The following TAGLN variants were observed in gnomAD, a reference collection of about 807,000 sequenced individuals.
TAGLN encodes the protein transgelin, also known as 22 kDa actin-binding protein.
A neutral mutation model predicts 21.9 loss-of-function variants in TAGLN; 16 were observed. The ratio of observed to expected loss-of-function variants is 0.73; its 90% CI spans 0.49 to 1.11. The LOEUF is 1.11. Ranked by LOEUF, TAGLN falls within the 50% of genes least tolerant of loss-of-function variation. The probability of loss-of-function intolerance (pLI) is 0.00; values close to 1 mark genes in which losing one functional copy is unlikely to be tolerated. For missense variants in TAGLN, 248 were observed against 263.2 expected (o/e 0.94, Z 0.40); for synonymous variants, 96 against 94.9 (o/e 1.01, Z -0.06).
intron 1 of TAGLN, chr11:117,200,242 C>T (rs114342046): frequency 7.0e-4 from 106 of 152,350 alleles, no homozygotes; most frequent in African/African-American, 2.3e-3. Context: ...CTCCTGCCCT[C>T]TCAGAGGTCC....
chr11:117,199,805 C>G (rs946955348), intron 1 of TAGLN: 3 of 139,512 alleles, frequency 2.2e-5, no homozygotes, highest in African/African-American at 7.6e-5. Context: ...CTGTCTGTTG[C>G]CCCTCCAGGA....
chr11:117,201,856 G>C (rs1180143512), intron 1 of TAGLN: 1 of 152,344 alleles, frequency 6.6e-6, no homozygotes, highest in Non-Finnish European at 1.5e-5. Context: ...GGATGGGTTC[G>C]GCTTCCTTTG....
In TAGLN at chr11:117,203,180, T is replaced by C. The variant is rs1368685453; in HGVS notation, c.167T>C (p.Leu56Pro). 3.8e-6 allele frequency: 6 copies of C among 1,589,554 alleles called. No individual in the cohort carries two copies. Among genetic ancestry groups the C allele is most frequent in the Non-Finnish European group, 4.3e-6 (5 of 1,165,078 alleles). ...DRGRLGFQVW[L>P]KNGVILSKLV... is the part of the protein sequence containing the mutation. ...GGGCGCTTGGGCTTCCAGGTCTGGC[T>C]GAAGAATGGCGTGGTGAGTGGCACC... The change falls in exon 2 of 5, where the codon CTG becomes CCG. Residue 56 changes from leucine to proline, a missense_variant. Physicochemically the swap from Leu to Pro is moderately conservative, Grantham distance 98. Coordinates refer to ENST00000392951, the MANE Select transcript of TAGLN (RefSeq NM_003186.5). This position sits in a 1 kb window ranked among gnomAD's most constrained non-coding sequence, Gnocchi z 4.4.
chr11:117,204,374 GC>G lies in TAGLN; in HGVS notation c.*18del. On this transcript the variant is annotated 3_prime_UTR_variant, in exon 5 of 5. Transcript: ENST00000392951. Reference sequence around the variant, plus strand: ...TCATCAGTTAGAGCGGAGAGGGCTAGCCCTGAGCCCGGCCCTCCCCCAGCTC... The same window carrying G: ...TCATCAGTTAGAGCGGAGAGGGCTAGCCTGAGCCCGGCCCTCCCCCAGCTC... 1.2e-6 allele frequency: 2 copies of G among 1,614,212 alleles called. No homozygotes were observed.
In TAGLN at chr11:117,204,398, CT is replaced by C. The variant is rs750201038; in HGVS notation, c.*40del. 1 of 1,613,974 alleles carries C rather than the reference CT, an allele frequency of 6.2e-7. No homozygotes were observed. The highest frequency in any genetic ancestry group is 8.5e-7 in the Non-Finnish European group (1 of 1,179,878). ...AGCCCTGAGCCCGGCCCTCCCCCAG[CT>C]CCTTGGCTGCAGCCATCCCGCTTAG... On this transcript the variant is annotated 3_prime_UTR_variant, in exon 5 of 5. Coordinates refer to ENST00000392951, the MANE Select transcript of TAGLN (RefSeq NM_003186.5).
In TAGLN at chr11:117,205,418, G is replaced by A. The variant is rs576945884; in HGVS notation, c.*1059G>A. 3.9e-5 allele frequency: 9 copies of A among 233,506 alleles called. No individual in the cohort carries two copies. The highest frequency in any genetic ancestry group is 3.4e-4 in the Admixed American group (6 of 17,784). The allele number at this position is 233,506 out of a possible 1,614,324, so 14.5% of individuals were successfully genotyped here. The stretch of plus-strand genomic sequence containing the variant: ...GAAGCAGCTCAGGCCTGGGGGAGCC[G>A]TGTGTATCCCAGCTGTGCCGGCAGC... On this transcript the variant is annotated 3_prime_UTR_variant, in exon 5 of 5. Coordinates refer to ENST00000392951, the MANE Select transcript of TAGLN (RefSeq NM_003186.5).
In TAGLN at chr11:117,203,982, A is replaced by G. The variant is rs1478859471; in HGVS notation, c.461+98A>G. The G allele has an allele frequency of 2.5e-6, 3 of 1,208,582 alleles. No individual in the cohort carries two copies. Among genetic ancestry groups the G allele is most frequent in the Non-Finnish European group, 3.6e-6 (3 of 830,082 alleles). 74.9% of individuals were successfully genotyped at this position (1,208,582 alleles called of 1,614,324 possible). The stretch of plus-strand genomic sequence containing the variant: ...GGATTAGGGGAAGCAGATAGCCAAG[A>G]AAGGATAAAGTGAGGGTCTGGGATG... On this transcript the variant is annotated intron_variant, in intron 4 of 4. Coordinates refer to ENST00000392951, the MANE Select transcript of TAGLN (RefSeq NM_003186.5). This position sits in a 1 kb window ranked among gnomAD's most constrained non-coding sequence, Gnocchi z 4.4.
rs1489299172 is a variant in TAGLN, at chr11:117,205,881, T to C, written c.*1522T>C. 10 of 603,954 alleles carry C rather than the reference T, an allele frequency of 1.7e-5. No individual in the cohort carries two copies. The highest frequency in any genetic ancestry group is 2.8e-6 in the Non-Finnish European group (1 of 356,646). The allele number at this position is 603,954 out of a possible 1,614,324, so 37.4% of individuals were successfully genotyped here. ...TATCTTAAGAAGGCCCTCACCCTCT[T>C]TGAGTGGAGTCAGAGGATGCCTCAG... On this transcript the variant is annotated 3_prime_UTR_variant, in exon 5 of 5. Transcript: ENST00000392951.
chr11:117,204,269 G>C lies in TAGLN; in HGVS notation c.516G>C (p.Lys172Asn). 1 of 1,614,250 alleles carries C rather than the reference G, an allele frequency of 6.2e-7. No individual in the cohort carries two copies. The highest frequency in any genetic ancestry group is 8.5e-7 in the Non-Finnish European group (1 of 1,180,040). Residue 172 changes from lysine to asparagine, a missense_variant, in exon 5 of 5, where the codon AAG becomes AAC. Coordinates refer to ENST00000392951, the MANE Select transcript of TAGLN (RefSeq NM_003186.5). ...CAGAGAGCCAGCTGCAGGAGGGAAA[G>C]CATGTCATTGGCCTTCAGATGGGCA... ...EFTESQLQEG[K>N]HVIGLQMGSN...
In TAGLN at chr11:117,206,955, C is replaced by T. The variant is rs1145215; in HGVS notation, c.*2596C>T. ...GTTCCCAGCCCGGGGCTCCATCTAC[C>T]GGCTTGACGCTGGAACTGGGAAGCA... On this transcript the variant is annotated 3_prime_UTR_variant, in exon 5 of 5. Transcript: ENST00000392951. 1,829 of 1,356,654 alleles carry T rather than the reference C, an allele frequency of 1.3e-3. No homozygotes were observed. The African/African-American group carries it at 0.023, about 17-fold the overall frequency. 84.0% of individuals were successfully genotyped at this position (1,356,654 alleles called of 1,614,324 possible).
At position 117,203,062 on chromosome 11, in the gene TAGLN, A is replaced by C; in HGVS notation, c.49A>C (p.Lys17Gln). The change falls in exon 2 of 5, where the codon AAA becomes CAA. Residue 17 changes from lysine (K) to glutamine (Q), a missense_variant. Lys to Gln is a moderately conservative substitution (Grantham distance 53). Transcript: ENST00000392951. The surrounding 1 kb of genome is among the most constrained non-coding windows in gnomAD (Gnocchi z 4.4). ...TGGCATGAGCCGCGAAGTGCAGTCC[A>C]AAATCGAGAAGAAGTATGACGAGGA... Reference protein sequence around the residue: ...SYGMSREVQSKIEKKYDEELE... With the variant: ...SYGMSREVQSQIEKKYDEELE... The C allele has an allele frequency of 1.2e-6, 2 of 1,608,720 alleles. No homozygotes were observed. Among genetic ancestry groups the C allele is most frequent in the Non-Finnish European group, 1.7e-6 (2 of 1,177,432 alleles).
chr11:117,200,179 C>A (rs664922), intron 1 of TAGLN: 94,518 of 151,014 alleles, frequency 0.63, 31,417 homozygotes, highest in Non-Finnish European at 0.76. Flanking sequence ...GGATGGCACA[C>A]ATTTATGTAG....
At chr11:117,202,588 G>A (rs2031143865) in intron 1 of TAGLN, 1 of 153,298 alleles carries the variant, frequency 6.5e-6, no homozygotes. Flanking sequence ...ACCAAGGGTT[G>A]TCAAACTACA....
chr11:117,203,984 A>G lies in TAGLN; in HGVS notation c.461+100A>G. 8.3e-7 allele frequency: 1 copy of G among 1,201,684 alleles called. No individual in the cohort carries two copies. The highest frequency in any genetic ancestry group is 1.2e-6 in the Non-Finnish European group (1 of 824,238). The allele number at this position is 1,201,684 out of a possible 1,614,324, so 74.4% of individuals were successfully genotyped here. ...ATTAGGGGAAGCAGATAGCCAAGAA[A>G]GGATAAAGTGAGGGTCTGGGATGGG... On this transcript the variant is annotated intron_variant, in intron 4 of 4. Coordinates refer to ENST00000392951, the MANE Select transcript of TAGLN (RefSeq NM_003186.5). The surrounding 1 kb of genome is among the most constrained non-coding windows in gnomAD (Gnocchi z 4.4).
In TAGLN at chr11:117,203,279, G is replaced by A; in HGVS notation, c.181-28G>A. 6.2e-7 allele frequency: 1 copy of A among 1,612,528 alleles called. No homozygotes were observed. The stretch of plus-strand genomic sequence containing the variant: ...GGCCAATCCCTGAGCTGACTGCTAA[G>A]CTGCGTCCTATGCCCTATGCCTGGT... On this transcript the variant is annotated intron_variant, in intron 2 of 4. Transcript: ENST00000392951. The surrounding 1 kb of genome is among the most constrained non-coding windows in gnomAD (Gnocchi z 4.4).
At chr11:117,202,633 T>A (rs2134270724) in intron 1 of TAGLN, 1 of 156,306 alleles carries the variant, frequency 6.4e-6, no homozygotes, top group Middle Eastern at 3.3e-3. Flanking sequence ...TGTCTGCTTT[T>A]GTAAGTAAAG....
In TAGLN at chr11:117,205,647, C is replaced by T. The variant is rs1295956240; in HGVS notation, c.*1288C>T. The T allele has an allele frequency of 3.8e-6, 1 of 263,492 alleles. No individual in the cohort carries two copies. The highest frequency in any genetic ancestry group is 7.2e-6 in the Non-Finnish European group (1 of 139,324). The allele number at this position is 263,492 out of a possible 1,614,324, so 16.3% of individuals were successfully genotyped here. ...GAGATGCGCTCCTGGCTATGGCAGG[C>T]ACCTTCTCAACTTATATGTGGGAAG... On this transcript the variant is annotated 3_prime_UTR_variant, in exon 5 of 5. Transcript: ENST00000392951.
rs780267555 is a variant in TAGLN at position 117,203,005 on chromosome 11, T to C, written c.-9T>C. 6 of 1,546,028 alleles carry C rather than the reference T, an allele frequency of 3.9e-6. No individual in the cohort carries two copies. In the African/African-American group the frequency reaches 6.8e-5, roughly 18 times the overall value. ...CCTCCACCCTGGCCTGCTTTAGCTT[T>C]CCCCAGACATGGCCAACAAGGGTCC... On this transcript the variant is annotated 5_prime_UTR_variant, in exon 2 of 5. Coordinates refer to ENST00000392951, the MANE Select transcript of TAGLN (RefSeq NM_003186.5). This position sits in a 1 kb window ranked among gnomAD's most constrained non-coding sequence, Gnocchi z 4.4.
In TAGLN at chr11:117,203,662, T is replaced by A; in HGVS notation, c.359-120T>A. The A allele has an allele frequency of 7.9e-7, 1 of 1,271,584 alleles. No homozygotes were observed. Among genetic ancestry groups the A allele is most frequent in the Non-Finnish European group, 1.1e-6 (1 of 905,694 alleles). The allele number at this position is 1,271,584 out of a possible 1,614,324, so 78.8% of individuals were successfully genotyped here. On this transcript the variant is annotated intron_variant, in intron 3 of 4. Transcript: ENST00000392951. The surrounding 1 kb of genome is among the most constrained non-coding windows in gnomAD (Gnocchi z 4.4). ...GGCCCACTGAGAGGCCTCCCTTGAA[T>A]TGGGGACAACTCTTGGCCCTGGTTT...
Sources: allele counts gnomAD v4.1 joint callset, GRCh38; gene constraint gnomAD v4.1.1; non-coding constraint Gnocchi (gnomAD v3.1); transcripts MANE v1.5; gene names NCBI Gene and HGNC (gene_info 2026-07-23, HGNC 2026-07-21).